FHAD1: variants seen among roughly 807,000 people sequenced by gnomAD.
The protein encoded by FHAD1 is forkhead associated phosphopeptide binding domain 1, also known as forkhead-associated domain-containing protein 1.
Under a neutral mutation model 191.3 loss-of-function variants are expected in FHAD1, and 146 were observed. The observed-to-expected ratio is 0.76, with a 90% CI of 0.67 to 0.88. The LOEUF (loss-of-function observed/expected upper bound fraction) is 0.88, where lower values mean the gene tolerates loss of function less well. FHAD1 is among the 40% of genes least tolerant of loss of function. The pLI is 0.00. For missense variants in FHAD1, 1,635 were observed against 1,785.8 expected, an observed-to-expected ratio of 0.92 and a Z score of 1.52; for synonymous variants, 616 against 672.3, an observed-to-expected ratio of 0.92 and a Z score of 1.29.
At chr1:15,259,777 G>A (rs994592242) in intron 2 of FHAD1, among the ~76,000 whole-genome samples, 4 of 152,196 alleles carry the variant, frequency 2.6e-5, no homozygotes, top group Admixed American at 6.5e-5. Context: ...CGAGGATCCT[G>A]TCTCAGGTGT....
At chr1:15,333,488 G>C (rs559468916) in intron 14 of FHAD1, among the ~76,000 whole-genome samples, 97 of 152,310 alleles carry the variant, frequency 6.4e-4, no homozygotes, top group African/African-American at 2.2e-3. Context: ...CATCCTCACA[G>C]TAATTCTATG....
intron 10 of FHAD1, among the ~76,000 whole-genome samples, chr1:15,320,684 G>T (rs1353391059): frequency 6.6e-6 from 1 of 152,066 alleles, no homozygotes; most frequent in Non-Finnish European, 1.5e-5. Flanking sequence ...GCTTTCTTTT[G>T]ATTTGAGTTT....
intron 26 of FHAD1, among the ~76,000 whole-genome samples, chr1:15,372,772 TCTC>T (rs1698489769): frequency 6.6e-6 from 1 of 152,244 alleles, no homozygotes; most frequent in Admixed American, 6.5e-5. Context: ...GTCAGTTTCT[TCTC>T]TTTCTTGCCA....
intron 31 of FHAD1, chr1:15,383,999 T>G (rs889264045): frequency 3.0e-5 from 5 of 164,396 alleles, no homozygotes; most frequent in African/African-American, 2.9e-4. Context: ...TACATTCTCA[T>G]GTGTGTGTGT....
chr1:15,340,250 G>A (rs191628289), intron 15 of FHAD1, among the ~76,000 whole-genome samples: 2 of 152,328 alleles, frequency 1.3e-5, no homozygotes, highest in East Asian at 1.9e-4. Context: ...AGCTTTACGG[G>A]TTATATCATT....
intron 28 of FHAD1, among the ~76,000 whole-genome samples, chr1:15,378,069 C>A (rs34974656): frequency 1.3e-5 from 2 of 152,126 alleles, no homozygotes; most frequent in South Asian, 4.1e-4. Context: ...TTTGGGAGGC[C>A]GAGGCAGGCA....
chr1:15,294,929 A>G (rs1248114161), intron 4 of FHAD1, among the ~76,000 whole-genome samples: 2 of 152,198 alleles, frequency 1.3e-5, no homozygotes, highest in East Asian at 3.8e-4. Context: ...CAAAGCTCAT[A>G]CAGGTGAGGG....
At chr1:15,383,153 T>C in intron 31 of FHAD1, 1 of 471,704 alleles carries the variant, frequency 2.1e-6, no homozygotes, top group Non-Finnish European at 4.4e-6. Context: ...CTTTCCTCAT[T>C]AGTAGATGGG....
intron 20 of FHAD1, 67 bp from the exon 21 acceptor site, chr1:15,358,043 G>T (rs1289097728): frequency 8.7e-7 from 1 of 1,143,974 alleles, no homozygotes; most frequent in African/African-American, 1.6e-5. Context: ...GAAGGTGGGG[G>T]ATAAGGGGGC....
intron 1 of FHAD1, among the ~76,000 whole-genome samples, chr1:15,250,039 C>T (rs970319348): frequency 1.3e-5 from 2 of 152,156 alleles, no homozygotes; most frequent in African/African-American, 4.8e-5. Flanking sequence ...TTACTAAGGA[C>T]TCCATAAATG....
At chr1:15,284,276 C>T (rs1219762776) in intron 3 of FHAD1, among the ~76,000 whole-genome samples, 3 of 152,020 alleles carry the variant, frequency 2.0e-5, no homozygotes, top group Non-Finnish European at 4.4e-5. Context: ...GTTAGGAGAT[C>T]GAGACCATCC....
chr1:15,352,731 C>G (rs1404656729), intron 19 of FHAD1, 146 bp from the exon 20 acceptor site: 1 of 634,330 alleles, frequency 1.6e-6, no homozygotes, highest in Non-Finnish European at 2.8e-6. Flanking sequence ...GTTCTCACCT[C>G]TGTCCCCAGT....
At chr1:15,338,337 A>G (rs1269860323) in intron 14 of FHAD1, among the ~76,000 whole-genome samples, 2 of 152,110 alleles carry the variant, frequency 1.3e-5, no homozygotes, top group Non-Finnish European at 2.9e-5. Context: ...CATTCCTTGC[A>G]TTCCTTGGCT....
At chr1:15,346,579 A>T (rs1184781652) in intron 18 of FHAD1, among the ~76,000 whole-genome samples, 1 of 151,168 alleles carries the variant, frequency 6.6e-6, no homozygotes, top group Non-Finnish European at 1.5e-5. Context: ...CTAGGGGAGG[A>T]CTCCTCCCTC....
chr1:15,323,953 G>T (rs1423034671), intron 10 of FHAD1, among the ~76,000 whole-genome samples: 3 of 152,304 alleles, frequency 2.0e-5, no homozygotes, highest in Admixed American at 2.0e-4. Flanking sequence ...AAGTGCCCAC[G>T]ATGGGCGGCA....
chr1:15,255,072 T>C, intron 2 of FHAD1, among the ~76,000 whole-genome samples: 1 of 151,490 alleles, frequency 6.6e-6, no homozygotes, highest in Non-Finnish European at 1.5e-5. Flanking sequence ...ATCATTTGTC[T>C]TATTTGTGCT....
Position 15,313,183 on chromosome 1 carries a change from C to T in FHAD1, c.1166C>T (p.Ser389Phe). The part of the protein sequence containing the change: ...DKDHQLEALG[S>F]RCSVLKEELK... ...GACCACCAGCTGGAAGCCCTTGGCTCTAGAGTGAGTAAGGATGACTGCGTC... is the reference window on the plus strand; with the variant it reads ...GACCACCAGCTGGAAGCCCTTGGCTTTAGAGTGAGTAAGGATGACTGCGTC... The change falls in exon 8 of 34, where the codon TCT (serine) becomes TTT (phenylalanine). Residue 389 changes from serine to phenylalanine, a missense_variant. Coordinates refer to ENST00000688493, the MANE Select transcript of FHAD1 (RefSeq NM_001391957.1). 6.4e-7 allele frequency: 1 copy of T among 1,551,898 alleles called. No individual in the cohort carries two copies. The highest frequency in any genetic ancestry group is 8.7e-7 in the Non-Finnish European group (1 of 1,147,030).
intron 3 of FHAD1, among the ~76,000 whole-genome samples, chr1:15,287,862 G>C (rs574951992): frequency 6.6e-6 from 1 of 152,272 alleles, no homozygotes; most frequent in East Asian, 1.9e-4. Context: ...GAAGTTCTAG[G>C]AAGTGCTGTC....
At chr1:15,249,431 G>A (rs985463261) in intron 1 of FHAD1, among the ~76,000 whole-genome samples, 4 of 152,182 alleles carry the variant, frequency 2.6e-5, no homozygotes, top group African/African-American at 9.7e-5. Flanking sequence ...GCTTGATGAT[G>A]TAGTCCTCTG....
Sources: allele counts gnomAD v4.1 joint callset (sites outside exome capture counted in the v4.1 genomes callset), GRCh38; gene constraint gnomAD v4.1.1; transcripts MANE v1.5; gene names NCBI Gene and HGNC (gene_info 2026-07-23, HGNC 2026-07-21).